ZNF233: variants seen among roughly 807,000 people sequenced by gnomAD.
ZNF233 encodes the protein zinc finger protein 233.
A neutral mutation model predicts 11.6 loss-of-function variants in ZNF233; 7 were observed. The observed-to-expected ratio is 0.60, with a 90% CI of 0.34 to 1.13. ZNF233 has a LOEUF of 1.13. ZNF233 is among the 50% of genes most tolerant of loss of function. The probability of loss-of-function intolerance (pLI) is 0.03; values close to 1 mark genes in which losing one functional copy is unlikely to be tolerated. For missense variants in ZNF233, 711 were observed against 785.5 expected (o/e 0.91, Z 1.13); for synonymous variants, 226 against 268.5 (o/e 0.84, Z 1.55).
chr19:44,274,856 A>C lies in ZNF233; in HGVS notation c.*183A>C, dbSNP rs1975351201. The stretch of plus-strand genomic sequence containing the variant: ...TTGAAGAAAACCTATTTTTGTATGA[A>C]TATGACCAGTTTCAAGCAGAGCCCA... On this transcript the variant is annotated 3_prime_UTR_variant, in exon 5 of 5. Coordinates refer to ENST00000683810, the MANE Select transcript of ZNF233 (RefSeq NM_001207005.2). 3 of 565,902 alleles carry C rather than the reference A, an allele frequency of 5.3e-6. No homozygotes were observed. The highest frequency in any genetic ancestry group is 8.9e-6 in the Non-Finnish European group (3 of 336,948). The allele number at this position is 565,902 out of a possible 1,614,324, so 35.1% of individuals were successfully genotyped here. A position where few individuals can be genotyped will look rare whatever the true frequency, so the allele number is the denominator to read the frequency against.
chr19:44,269,072 C>G (rs911751528), intron 4 of ZNF233, among the ~76,000 whole-genome samples: 2 of 152,098 alleles, frequency 1.3e-5, no homozygotes, highest in African/African-American at 4.8e-5. Flanking sequence ...GCTCCATGAA[C>G]GTTGACTGCA....
Position 44,274,851 on chromosome 19 carries a change from TATGA to T in ZNF233, c.*181_*184del, listed in dbSNP as rs1357000118. ...TTCCATTGAAGAAAACCTATTTTTG[TATGA>T]ATATGACCAGTTTCAAGCAGAGCCC... is the stretch of plus-strand genomic sequence containing the variant. On this transcript the variant is annotated 3_prime_UTR_variant, in exon 5 of 5. Transcript: ENST00000683810. 12 of 583,232 alleles carry T rather than the reference TATGA, an allele frequency of 2.1e-5. No homozygotes were observed. Among genetic ancestry groups the T allele is most frequent in the Non-Finnish European group, 3.1e-5 (11 of 350,096 alleles). 36.1% of individuals were successfully genotyped at this position (583,232 alleles called of 1,614,324 possible). A position where few individuals can be genotyped will look rare whatever the true frequency, so the allele number is the denominator to read the frequency against.
rs752793342 is a variant in ZNF233, at chr19:44,273,483, C to CT, written c.825dup (p.His276SerfsTer15). 5 of 1,614,186 alleles carry CT rather than the reference C, an allele frequency of 3.1e-6. No homozygotes were observed. The highest frequency in any genetic ancestry group is 1.6e-4 in the Middle Eastern group (1 of 6,062). ...CTTAAGTGTTGGCTCTAATCTTGAACTTCACCAGCAACTACACTTAAGAGA... is the reference window on the plus strand; with the variant it reads ...CTTAAGTGTTGGCTCTAATCTTGAACTTTCACCAGCAACTACACTTAAGAGA... On this transcript the variant is annotated frameshift_variant, in exon 5 of 5. Transcript: ENST00000683810. LOFTEE classifies it low-confidence loss of function (END_TRUNC).
At chr19:44,264,187 GCCT>G in intron 1 of ZNF233, 124 bp from the exon 2 acceptor site, 1 of 669,872 alleles carries the variant, frequency 1.5e-6, no homozygotes, top group Non-Finnish European at 2.7e-6. Context: ...CAATCTGCCT[GCCT>G]CGGCCTCCCA....
chr19:44,273,077 C>A lies in ZNF233; in HGVS notation c.417C>A (p.Ser139=), dbSNP rs1165597915. ...KRSKLLKQGD[S]PCQVWTGESS... Reference sequence around the variant, plus strand: ...CCAAGTTGCTAAAACAAGGTGATTCCCCCTGTCAGGTGTGGACAGGAGAAT... The same window carrying A: ...CCAAGTTGCTAAAACAAGGTGATTCACCCTGTCAGGTGTGGACAGGAGAAT... Residue 139 remains serine (S), a synonymous_variant, in exon 5 of 5, where the codon TCC becomes TCA. Coordinates refer to ENST00000683810, the MANE Select transcript of ZNF233 (RefSeq NM_001207005.2). 2 of 1,614,016 alleles carry A rather than the reference C, an allele frequency of 1.2e-6. No homozygotes were observed. The highest frequency in any genetic ancestry group is 1.7e-6 in the Non-Finnish European group (2 of 1,180,008).
chr19:44,270,661 C>T (rs569340890), intron 4 of ZNF233, among the ~76,000 whole-genome samples: 6 of 152,276 alleles, frequency 3.9e-5, no homozygotes, highest in East Asian at 3.9e-4. Context: ...TAAAGAGTGA[C>T]GGAGCTGCCG....
At position 44,274,179 on chromosome 19, in the gene ZNF233, C is replaced by T. The variant is rs1166091175; in HGVS notation, c.1519C>T (p.Pro507Ser). ...TCAGAGAGTCCATACAGGAGAGAAA[C>T]CCTACAAATGTGACACATGTGGGAA... is the stretch of plus-strand genomic sequence containing the variant. ...AHQRVHTGEK[P>S]YKCDTCGKDF... The change falls in exon 5 of 5, where the codon CCC (proline) becomes TCC (serine). Residue 507 changes from proline (P) to serine (S), a missense_variant. Transcript: ENST00000683810. The T allele has an allele frequency of 1.2e-6, 2 of 1,613,926 alleles. No homozygotes were observed. The highest frequency in any genetic ancestry group is 1.7e-6 in the Non-Finnish European group (2 of 1,179,980).
Position 44,273,805 on chromosome 19 carries a change from G to A in ZNF233, c.1145G>A (p.Ser382Asn). ...CGRCGKGFHH[S>N]LDFDIHCVDS... ...AGGTGTGGGAAGGGCTTCCATCATA[G>A]CTTAGATTTTGACATTCACTGTGTA... Residue 382 changes from serine to asparagine, a missense_variant, in exon 5 of 5, where the codon AGC (serine) becomes AAC (asparagine). Transcript: ENST00000683810. 1 of 1,614,154 alleles carries A rather than the reference G, an allele frequency of 6.2e-7. No individual in the cohort carries two copies.
At chr19:44,267,204 A>T (rs1246685229) in intron 4 of ZNF233, 1 of 437,570 alleles carries the variant, frequency 2.3e-6, no homozygotes, top group Non-Finnish European at 4.0e-6. Flanking sequence ...CATCTCACTC[A>T]TTAATTCCAA....
intron 4 of ZNF233, chr19:44,267,365 TTTTC>T (rs1379687860): frequency 2.5e-5 from 10 of 398,880 alleles, no homozygotes; most frequent in Non-Finnish European, 4.4e-5. Flanking sequence ...TTTTTTTTTT[TTTTC>T]TTTAAGACAG....
rs192675509 is a variant in ZNF233 at position 44,274,387 on chromosome 19, G to T, written c.1727G>T (p.Ser576Ile). The T allele has an allele frequency of 3.2e-5, 52 of 1,609,960 alleles. No individual in the cohort carries two copies. In the African/African-American group the frequency reaches 6.8e-4, roughly 21 times the overall value. ...CDVCGKGFSW[S>I]SHLQAHQRVH... ...GTGTGTGGGAAAGGCTTCAGTTGGA[G>T]TTCACATCTTCAAGCCCATCAGAGA... Residue 576 changes from serine (S) to isoleucine (I), a missense_variant, in exon 5 of 5, where the codon AGT becomes ATT. Transcript: ENST00000683810.
At chr19:44,271,291 T>G (rs538011780) in intron 4 of ZNF233, among the ~76,000 whole-genome samples, 1 of 152,204 alleles carries the variant, frequency 6.6e-6, no homozygotes, top group Admixed American at 6.5e-5. Flanking sequence ...CTATATTCTC[T>G]TCACTTTTGC....
intron 4 of ZNF233, among the ~76,000 whole-genome samples, chr19:44,272,293 T>A (rs1297853930): frequency 6.9e-6 from 1 of 144,966 alleles, no homozygotes; most frequent in Non-Finnish European, 1.5e-5. Flanking sequence ...AAATCCTGGC[T>A]ATATGTGAGC....
At position 44,259,890 on chromosome 19, in the gene ZNF233, ACTT is replaced by A. The variant is rs1974883799; in HGVS notation, c.-94_-92del. On this transcript the variant is annotated 5_prime_UTR_variant, in exon 1 of 5. Transcript: ENST00000683810. ...TGCAGAAGCCGTTGCAACCTTGTGT[ACTT>A]CCGCTGCAGGAGGGCGAAGCAGCCG... is the stretch of plus-strand genomic sequence containing the variant. 1 of 455,916 alleles carries A rather than the reference ACTT, an allele frequency of 2.2e-6. No individual in the cohort carries two copies. The highest frequency in any genetic ancestry group is 4.4e-6 in the Non-Finnish European group (1 of 226,712). 28.2% of individuals were successfully genotyped at this position (455,916 alleles called of 1,614,324 possible).
intron 4 of ZNF233, among the ~76,000 whole-genome samples, chr19:44,269,971 A>G (rs1210766854): frequency 6.6e-6 from 1 of 152,186 alleles, no homozygotes; most frequent in Admixed American, 6.5e-5. Flanking sequence ...ACTGGACAGA[A>G]GTACAAATTA....
intron 1 of ZNF233, among the ~76,000 whole-genome samples, chr19:44,262,408 G>A (rs1211836979): frequency 1.3e-5 from 2 of 152,182 alleles, no homozygotes; most frequent in Non-Finnish European, 2.9e-5. Flanking sequence ...TTCAGGCCTC[G>A]AAAAGTGGCC....
chr19:44,263,773 A>C (rs1234074116), intron 1 of ZNF233, among the ~76,000 whole-genome samples: 3 of 152,156 alleles, frequency 2.0e-5, no homozygotes, highest in African/African-American at 7.2e-5. Context: ...GTTATAAAAG[A>C]CTCTCTTATT....
chr19:44,265,053 G>A (rs1463539366), intron 2 of ZNF233, among the ~76,000 whole-genome samples: 1 of 151,968 alleles, frequency 6.6e-6, no homozygotes, highest in Admixed American at 6.6e-5. Flanking sequence ...ACAAGATATA[G>A]AACATTTATA....
Position 44,273,483 on chromosome 19 carries a change from C to T in ZNF233, c.823C>T (p.Leu275Phe), listed in dbSNP as rs139268771. 10 of 1,614,068 alleles carry T rather than the reference C, an allele frequency of 6.2e-6. No individual in the cohort carries two copies. The African/African-American group carries it at 1.2e-4, about 19-fold the overall frequency. ...KGLSVGSNLE[L>F]HQQLHLRDKP... is the part of the protein sequence containing the mutation. Reference sequence around the variant, plus strand: ...CTTAAGTGTTGGCTCTAATCTTGAACTTCACCAGCAACTACACTTAAGAGA... The same window carrying T: ...CTTAAGTGTTGGCTCTAATCTTGAATTTCACCAGCAACTACACTTAAGAGA... Residue 275 changes from leucine to phenylalanine, a missense_variant, in exon 5 of 5, where the codon CTT (leucine) becomes TTT (phenylalanine). Transcript: ENST00000683810.
Sources: gnomAD v4.1 joint callset for allele counts (sites outside exome capture counted in the v4.1 genomes callset) on GRCh38, gnomAD v4.1.1 for gene constraint, MANE v1.5 for transcripts, NCBI Gene and HGNC (gene_info 2026-07-23, HGNC 2026-07-21) for gene names.